The following HBS1L variants were observed in gnomAD, a reference collection of about 807,000 sequenced individuals.
HBS1L encodes the protein HBS1 like translational GTPase, also known as HBS1-like protein.
HBS1L carries 55 observed loss-of-function variants against 88.9 expected under a neutral mutation model. The observed-to-expected ratio is 0.62, with a 90% CI of 0.50 to 0.77. The LOEUF (loss-of-function observed/expected upper bound fraction) is 0.77, where lower values mean the gene tolerates loss of function less well. Among genes scored for constraint, HBS1L ranks in the 30% least tolerant of loss-of-function variants. The probability of loss-of-function intolerance (pLI) is 0.00; values close to 1 mark genes in which losing one functional copy is unlikely to be tolerated. For missense variants in HBS1L, 741 were observed against 829.3 expected (o/e 0.89, Z 1.31); for synonymous variants, 267 against 288.5 (o/e 0.93, Z 0.76).
chr6:134,999,789 A>G (rs917161177), intron 5 of HBS1L, among the ~76,000 whole-genome samples: 2 of 152,170 alleles, frequency 1.3e-5, no homozygotes, highest in Non-Finnish European at 2.9e-5. Context: ...TTAATTCACT[A>G]AAATTCTACA....
chr6:135,033,188 A>C (rs1252834609), intron 4 of HBS1L, among the ~76,000 whole-genome samples: 3 of 152,198 alleles, frequency 2.0e-5, no homozygotes, highest in African/African-American at 4.8e-5. Flanking sequence ...GTAAATTATT[A>C]ATGCCCTTGA....
At chr6:134,967,943 C>A (rs1416285004) in intron 16 of HBS1L, among the ~76,000 whole-genome samples, 3 of 152,252 alleles carry the variant, frequency 2.0e-5, no homozygotes, top group Admixed American at 1.3e-4. Flanking sequence ...ATGCCACAAG[C>A]TAAAGACTCA....
At chr6:134,973,089 T>G (rs1413906595) in intron 15 of HBS1L, among the ~76,000 whole-genome samples, 2 of 152,234 alleles carry the variant, frequency 1.3e-5, no homozygotes, top group African/African-American at 4.8e-5. Flanking sequence ...ATTCCACTCC[T>G]AGGCATATGC....
At chr6:135,046,226 T>C (rs902230125) in intron 2 of HBS1L, among the ~76,000 whole-genome samples, 2 of 141,934 alleles carry the variant, frequency 1.4e-5, no homozygotes, top group African/African-American at 5.1e-5. Flanking sequence ...TCTAGAAGCC[T>C]TCCCAGACTC....
At chr6:135,029,022 G>T (rs1225605006) in intron 4 of HBS1L, among the ~76,000 whole-genome samples, 1 of 151,926 alleles carries the variant, frequency 6.6e-6, no homozygotes, top group Non-Finnish European at 1.5e-5. Context: ...ATTTAAAAAG[G>T]TACTACAATA....
chr6:134,987,237 A>G (rs11754021), intron 9 of HBS1L, among the ~76,000 whole-genome samples: 47,983 of 151,928 alleles, frequency 0.32, 7,945 homozygotes, highest in Non-Finnish European at 0.37. Flanking sequence ...TAAAAAGCAG[A>G]TGATAAAACA....
At chr6:135,013,132 T>C (rs1017967580) in intron 4 of HBS1L, among the ~76,000 whole-genome samples, 4 of 152,196 alleles carry the variant, frequency 2.6e-5, no homozygotes, top group Non-Finnish European at 5.9e-5. Context: ...CTCAAGTGAA[T>C]CACTCAACTT....
intron 8 of HBS1L, among the ~76,000 whole-genome samples, chr6:134,988,670 T>C (rs1775048990): frequency 1.3e-5 from 2 of 152,232 alleles, no homozygotes; most frequent in East Asian, 1.9e-4. Context: ...AATTATTTGC[T>C]GTAGGCAAGG....
At chr6:134,991,559 G>C (rs560066315) in intron 8 of HBS1L, among the ~76,000 whole-genome samples, 1 of 152,296 alleles carries the variant, frequency 6.6e-6, no homozygotes, top group South Asian at 2.1e-4. Context: ...CTGAATGCAT[G>C]TAATACCTAA....
chr6:135,053,263 AG>A (rs1777144472), intron 1 of HBS1L, among the ~76,000 whole-genome samples: 1 of 152,174 alleles, frequency 6.6e-6, no homozygotes, highest in Non-Finnish European at 1.5e-5. Context: ...GCGTTTTCTC[AG>A]TACCTTTTGT....
rs58274929 is a variant in HBS1L at position 134,961,090 on chromosome 6, C to CTTTTTTTTTTTTTTTTTTTTTT, written c.*4188_*4189insAAAAAAAAAAAAAAAAAAAAAA. The stretch of plus-strand genomic sequence containing the variant: ...TTGCTGTACAGACTTAGTTTCTTTG[C>CTTTTTTTTTTTTTTTTTTTTTT]TTTTTTTTTTTTTTTTTTTGCATTG... On this transcript the variant is annotated 3_prime_UTR_variant, in exon 18 of 18. Coordinates refer to ENST00000367837, the MANE Select transcript of HBS1L (RefSeq NM_006620.4). 2.8e-5 allele frequency: 3 copies of CTTTTTTTTTTTTTTTTTTTTTT among 106,222 alleles called. 1 individual carries two copies. The highest frequency in any genetic ancestry group is 1.8e-5 in the Non-Finnish European group (1 of 54,260). 6.6% of individuals were successfully genotyped at this position (106,222 alleles called of 1,614,324 possible).
intron 4 of HBS1L, among the ~76,000 whole-genome samples, chr6:135,004,317 T>C (rs527303509): frequency 6.6e-6 from 1 of 151,912 alleles, no homozygotes; most frequent in African/African-American, 2.4e-5. Flanking sequence ...AGAATCCATA[T>C]ATGGTGCCGT....
rs1054361501 is a variant in HBS1L at position 134,962,478 on chromosome 6, T to C, written c.*2801A>G. On this transcript the variant is annotated 3_prime_UTR_variant, in exon 18 of 18. Coordinates refer to ENST00000367837, the MANE Select transcript of HBS1L (RefSeq NM_006620.4). Reference sequence around the variant, plus strand: ...AGTCACTATGATTGCATTTTAACAATGGTTAAAACTATTGATTTGCATACT... The same window carrying C: ...AGTCACTATGATTGCATTTTAACAACGGTTAAAACTATTGATTTGCATACT... 1.3e-5 allele frequency: 2 copies of C among 152,230 alleles called. No individual in the cohort carries two copies. The highest frequency in any genetic ancestry group is 2.9e-5 in the Non-Finnish European group (2 of 68,032). 9.4% of individuals were successfully genotyped at this position (152,230 alleles called of 1,614,324 possible).
At chr6:135,040,344 C>CCTTTTTTTTTTTTTTTTTTTT (rs1365916364) in intron 3 of HBS1L, among the ~76,000 whole-genome samples, 1 of 110,060 alleles carries the variant, frequency 9.1e-6, no homozygotes, top group African/African-American at 3.6e-5. Flanking sequence ...GATAGGCATT[C>CCTTTTTTTTTTTTTTTTTTTT]TTTTTTTTTT....
chr6:135,023,055 T>A (rs1267975505), intron 4 of HBS1L, among the ~76,000 whole-genome samples: 1 of 151,332 alleles, frequency 6.6e-6, no homozygotes, highest in Non-Finnish European at 1.5e-5. Flanking sequence ...TAGAAAAAAA[T>A]GATCTTAGGG....
intron 12 of HBS1L, among the ~76,000 whole-genome samples, chr6:134,984,038 C>T (rs186986617): frequency 6.6e-6 from 1 of 152,254 alleles, no homozygotes; most frequent in African/African-American, 2.4e-5. Context: ...TTCATGACCT[C>T]AGGAGGAACA....
At chr6:135,014,944 T>C (rs1562297366) in intron 4 of HBS1L, among the ~76,000 whole-genome samples, 1 of 150,742 alleles carries the variant, frequency 6.6e-6, no homozygotes, top group South Asian at 2.1e-4. Context: ...CTGAGGAAGA[T>C]GGATTGCTTG....
At chr6:135,028,249 C>A (rs1320009240) in intron 4 of HBS1L, among the ~76,000 whole-genome samples, 3 of 128,976 alleles carry the variant, frequency 2.3e-5, no homozygotes, top group East Asian at 2.1e-4. Flanking sequence ...AAGAAAAAAA[C>A]AAATTGCAAG....
chr6:134,979,180 G>A lies in HBS1L; in HGVS notation c.1686C>T (p.Ile562=). The change falls in exon 14 of 18, where the codon ATC becomes ATT. Residue 562 remains isoleucine (I), a splice_region_variant and synonymous_variant. Coordinates refer to ENST00000367837, the MANE Select transcript of HBS1L (RefSeq NM_006620.4). ...LTLVGMDIIK[I]NVGCIFCGPK... The stretch of plus-strand genomic sequence containing the variant: ...CTTAAACTCATTTTCTCACTCACTT[G>A]ATTTTGATGATATCCATCCCAACCA... The A allele has an allele frequency of 6.2e-7, 1 of 1,608,176 alleles. No individual in the cohort carries two copies. The highest frequency in any genetic ancestry group is 8.5e-7 in the Non-Finnish European group (1 of 1,175,176).
Sources: gnomAD v4.1 joint callset for allele counts (sites outside exome capture counted in the v4.1 genomes callset) on GRCh38, gnomAD v4.1.1 for gene constraint, MANE v1.5 for transcripts, NCBI Gene and HGNC (gene_info 2026-07-23, HGNC 2026-07-21) for gene names.